The following CDK8 variants were observed in gnomAD, a reference collection of about 807,000 sequenced individuals.
The protein encoded by CDK8 is cyclin-dependent kinase 8.
Under a neutral mutation model 71.5 loss-of-function variants are expected in CDK8, and 29 were observed. The ratio of observed to expected loss-of-function variants is 0.41; its 90% CI spans 0.30 to 0.55. The LOEUF (loss-of-function observed/expected upper bound fraction) is 0.55, where lower values mean the gene tolerates loss of function less well. Ranked by LOEUF, CDK8 falls within the 20% of genes least tolerant of loss-of-function variation. The pLI, the probability that CDK8 is intolerant of heterozygous loss-of-function variation, is 0.37. For synonymous variants in CDK8, 161 were observed against 192.1 expected (o/e 0.84, Z 1.34); for missense variants, 288 against 572.6 (o/e 0.50, Z 5.07).
chr13:26,389,750 C>A (rs1203836659), intron 6 of CDK8, among the ~76,000 whole-genome samples: 3 of 152,168 alleles, frequency 2.0e-5, no homozygotes, highest in African/African-American at 7.2e-5. Flanking sequence ...GTAATCCCAG[C>A]ACTTTGGGAG....
intron 1 of CDK8, among the ~76,000 whole-genome samples, chr13:26,287,803 A>G (rs774553659): frequency 2.6e-5 from 4 of 152,246 alleles, no homozygotes; most frequent in Non-Finnish European, 5.9e-5. Flanking sequence ...ACCATATGAC[A>G]TGTAAAATAA....
chr13:26,353,738 A>T lies in CDK8; in HGVS notation c.316-2A>T. On this transcript the variant is annotated splice_acceptor_variant, in intron 3 of 12. Coordinates refer to ENST00000381527, the MANE Select transcript of CDK8 (RefSeq NM_001260.3). LOFTEE classifies it high-confidence loss of function. The stretch of plus-strand genomic sequence containing the variant: ...CTGTTGATATTTTTTTCTTTCTTTC[A>T]GCATATAATCAAGTTTCACAGAGCT... 1 of 1,601,954 alleles carries T rather than the reference A, an allele frequency of 6.2e-7. No homozygotes were observed. The highest frequency in any genetic ancestry group is 1.3e-5 in the African/African-American group (1 of 74,332).
chr13:26,374,037 A>C (rs1447138044), intron 4 of CDK8, among the ~76,000 whole-genome samples: 2 of 126,362 alleles, frequency 1.6e-5, no homozygotes, highest in African/African-American at 3.3e-5. Context: ...AAAAAAAAAA[A>C]CAAAAAACAA....
chr13:26,257,923 A>T (rs570541), intron 1 of CDK8, among the ~76,000 whole-genome samples: 87,767 of 123,870 alleles, frequency 0.71, 28,898 homozygotes, highest in East Asian at 0.83. Context: ...TGTGTGTGTG[A>T]GAGAGAGAGA....
intron 1 of CDK8, among the ~76,000 whole-genome samples, chr13:26,271,673 G>T (rs951042788): frequency 1.3e-5 from 2 of 151,914 alleles, no homozygotes; most frequent in East Asian, 1.9e-4. Context: ...AACTGGGCTT[G>T]GTGGTATTTG....
chr13:26,353,723 T>G lies in CDK8; in HGVS notation c.316-17T>G, dbSNP rs770765434. On this transcript the variant is annotated splice_polypyrimidine_tract_variant and intron_variant, in intron 3 of 12. Coordinates refer to ENST00000381527, the MANE Select transcript of CDK8 (RefSeq NM_001260.3). The stretch of plus-strand genomic sequence containing the variant: ...CCTTTTTTTAAGCTTCTGTTGATAT[T>G]TTTTTCTTTCTTTCAGCATATAATC... 3.2e-6 allele frequency: 5 copies of G among 1,582,438 alleles called. No individual in the cohort carries two copies. The highest frequency in any genetic ancestry group is 4.3e-6 in the Non-Finnish European group (5 of 1,161,794).
intron 2 of CDK8, among the ~76,000 whole-genome samples, chr13:26,339,879 A>C (rs1421966255): frequency 6.7e-6 from 1 of 150,246 alleles, no homozygotes; most frequent in African/African-American, 2.4e-5. Context: ...GGATACTTTT[A>C]CTTTTTTCCA....
At chr13:26,267,312 T>G (rs373419656) in intron 1 of CDK8, among the ~76,000 whole-genome samples, 34 of 152,302 alleles carry the variant, frequency 2.2e-4, no homozygotes, top group African/African-American at 7.7e-4. Context: ...TCATATACTT[T>G]CAACAACTAT....
Position 26,334,406 on chromosome 13 carries a change from A to G in CDK8, c.129-3161A>G, listed in dbSNP as rs149295345. On this transcript the variant is annotated intron_variant, in intron 1 of 12. Transcript: ENST00000381527. ...TTAAATCAATAACCCTGCCCATGAA[A>G]GTGTCTAATAGACTATTCTGATTCC... Among the ~76,000 whole-genome samples the G allele has an allele frequency of 4.5e-3, 678 of 152,290 alleles. 5 individuals are homozygous for G. Among genetic ancestry groups the G allele is most frequent in the African/African-American group, 0.015 (640 of 41,562 alleles).
intron 7 of CDK8, among the ~76,000 whole-genome samples, chr13:26,393,991 C>G (rs1309257059): frequency 6.6e-6 from 1 of 152,140 alleles, no homozygotes; most frequent in African/African-American, 2.4e-5. Context: ...TAAGTCTTCT[C>G]TTAGAACAGT....
intron 1 of CDK8, among the ~76,000 whole-genome samples, chr13:26,307,441 A>C (rs1377660567): frequency 6.6e-6 from 1 of 152,160 alleles, no homozygotes; most frequent in Admixed American, 6.5e-5. Flanking sequence ...ATTCATGAGC[A>C]AAAGAAGTGT....
intron 4 of CDK8, among the ~76,000 whole-genome samples, chr13:26,354,519 C>T (rs1873812022): frequency 6.6e-6 from 1 of 152,202 alleles, no homozygotes; most frequent in South Asian, 2.1e-4. Flanking sequence ...GTCCATGGCT[C>T]ATTAGGGACC....
At chr13:26,269,712 C>T (rs1872208643) in intron 1 of CDK8, among the ~76,000 whole-genome samples, 1 of 152,134 alleles carries the variant, frequency 6.6e-6, no homozygotes, top group South Asian at 2.1e-4. Context: ...TTCTATTGCA[C>T]TTTGAGTAAC....
At chr13:26,329,247 C>A (rs963957320) in intron 1 of CDK8, among the ~76,000 whole-genome samples, 2 of 152,050 alleles carry the variant, frequency 1.3e-5, no homozygotes, top group African/African-American at 4.8e-5. Flanking sequence ...TTTAACCAAT[C>A]CTTTGCGGCC....
chr13:26,352,005 T>G (rs562650185), intron 3 of CDK8, among the ~76,000 whole-genome samples: 1 of 152,282 alleles, frequency 6.6e-6, no homozygotes, highest in South Asian at 2.1e-4. Context: ...AAAAGTCACT[T>G]GTAATACTCT....
At position 26,342,722 on chromosome 13, in the gene CDK8, AAAC is replaced by A. The variant is rs546144409; in HGVS notation, c.204+5092_204+5094del. ...TCTGTCTCCTAATATGTCTCCCTAA[AAAC>A]AACAACAACAAAACACCACCACCAA... On this transcript the variant is annotated intron_variant, in intron 2 of 12. Coordinates refer to ENST00000381527, the MANE Select transcript of CDK8 (RefSeq NM_001260.3). 8.7e-4 allele frequency among the ~76,000 whole-genome samples: 133 copies of A among 152,250 alleles called. 1 individual carries two copies. Among genetic ancestry groups the A allele is most frequent in the African/African-American group, 3.1e-3 (129 of 41,544 alleles).
At chr13:26,368,997 T>C (rs1471912694) in intron 4 of CDK8, among the ~76,000 whole-genome samples, 1 of 152,192 alleles carries the variant, frequency 6.6e-6, no homozygotes, top group Non-Finnish European at 1.5e-5. Context: ...TTGTCTATTT[T>C]CACAAGTAAG....
intron 4 of CDK8, among the ~76,000 whole-genome samples, chr13:26,374,149 G>A (rs987950639): frequency 4.0e-5 from 6 of 151,762 alleles, no homozygotes; most frequent in East Asian, 3.9e-4. Context: ...TGCAGTGATC[G>A]GAGATCACGC....
At chr13:26,380,990 A>G (rs1875199405) in intron 4 of CDK8, among the ~76,000 whole-genome samples, 1 of 152,136 alleles carries the variant, frequency 6.6e-6, no homozygotes, top group South Asian at 2.1e-4. Context: ...TCCGTGTGGA[A>G]GGTTCTAAGC....
Sources: allele counts gnomAD v4.1 joint callset (sites outside exome capture counted in the v4.1 genomes callset), GRCh38; gene constraint gnomAD v4.1.1; transcripts MANE v1.5; gene names NCBI Gene and HGNC (gene_info 2026-07-23, HGNC 2026-07-21).